Variants in DPYSL3 observed in about 807,000 individuals in gnomAD.
DPYSL3 encodes dihydropyrimidinase like 3, also known as dihydropyrimidinase-related protein 3.
A neutral mutation model predicts 66.1 loss-of-function variants in DPYSL3; 16 were observed. That is an observed-to-expected ratio of 0.24 (90% CI 0.16 to 0.37). DPYSL3 has a LOEUF of 0.37. DPYSL3 is among the 10% of genes least tolerant of loss of function. The pLI is 1.00. For synonymous variants in DPYSL3, 338 were observed against 345.1 expected (o/e 0.98, Z 0.23); for missense variants, 738 against 916.2 (o/e 0.81, Z 2.51).
intron 1 of DPYSL3, among the ~76,000 whole-genome samples, chr5:147,431,380 G>A (rs188486062): frequency 6.6e-6 from 1 of 152,130 alleles, no homozygotes; most frequent in Admixed American, 6.5e-5. Context: ...ACCCGTGTTT[G>A]GATAAATGAC....
rs766107448 is a variant in DPYSL3, at chr5:147,395,624, C to T, written c.1901G>A (p.Arg634Gln). The T allele has an allele frequency of 6.8e-6, 11 of 1,613,906 alleles. No homozygotes were observed. The highest frequency in any genetic ancestry group is 2.2e-5 in the South Asian group (2 of 91,062). The change falls in exon 13 of 14, where the codon CGG (arginine) becomes CAG (glutamine). Residue 634 changes from arginine to glutamine, a missense_variant. By Grantham distance (43) the Arg-to-Gln change is conservative. Transcript: ENST00000343218. ...PKGGTPAGSARGSPTRPNPPV... is the reference protein window; with the variant it reads ...PKGGTPAGSAQGSPTRPNPPV... Reference sequence around the variant, plus strand: ...TGGGTTCGGCCGAGTAGGAGAGCCCCGAGCAGAGCCTGCGGGGGTGCCACC... The same window carrying T: ...TGGGTTCGGCCGAGTAGGAGAGCCCTGAGCAGAGCCTGCGGGGGTGCCACC...
intron 1 of DPYSL3, among the ~76,000 whole-genome samples, chr5:147,484,889 A>G (rs1753307307): frequency 2.6e-5 from 4 of 152,224 alleles, no homozygotes; most frequent in Admixed American, 2.6e-4. Context: ...ATCCATTAAT[A>G]GTTTCCAAAG....
chr5:147,459,600 CA>C (rs532681119), intron 1 of DPYSL3, among the ~76,000 whole-genome samples: 403 of 142,234 alleles, frequency 2.8e-3, no homozygotes, highest in Admixed American at 5.3e-3. Context: ...ACACATAAAC[CA>C]AAAAAAAAAA....
At chr5:147,400,862 CA>C in intron 9 of DPYSL3, 29 bp from the exon 10 acceptor site, 1 of 1,607,912 alleles carries the variant, frequency 6.2e-7, no homozygotes, top group Non-Finnish European at 8.5e-7. Flanking sequence ...TCCACATGAA[CA>C]GGGGAGATGG....
intron 1 of DPYSL3, among the ~76,000 whole-genome samples, chr5:147,433,733 G>A (rs1277666177): frequency 6.6e-6 from 1 of 152,090 alleles, no homozygotes; most frequent in Non-Finnish European, 1.5e-5. Flanking sequence ...TGCAGGGTTG[G>A]TACTCACAAA....
intron 1 of DPYSL3, among the ~76,000 whole-genome samples, chr5:147,474,923 T>A (rs1305300119): frequency 6.6e-6 from 1 of 152,082 alleles, no homozygotes; most frequent in Admixed American, 6.6e-5. Flanking sequence ...TTTTTTGGAA[T>A]CTGGATTTTC....
intron 1 of DPYSL3, among the ~76,000 whole-genome samples, chr5:147,446,710 C>G (rs1672659432): frequency 6.6e-6 from 1 of 152,216 alleles, no homozygotes; most frequent in South Asian, 2.1e-4. Flanking sequence ...GCTTTTCCAC[C>G]CTGTACTCAT....
At chr5:147,418,725 AG>A (rs755271954) in intron 2 of DPYSL3, 94 bp from the exon 3 acceptor site, 537 of 1,141,464 alleles carry the variant, frequency 4.7e-4, no homozygotes, top group Non-Finnish European at 5.7e-4. Context: ...GATTTTAAAC[AG>A]TGTTACTTGT....
At chr5:147,496,293 G>A (rs1199321744) in intron 1 of DPYSL3, among the ~76,000 whole-genome samples, 3 of 152,032 alleles carry the variant, frequency 2.0e-5, no homozygotes, top group Non-Finnish European at 4.4e-5. Context: ...AACCATAAAA[G>A]CCCTAGAAGA....
chr5:147,458,246 G>C (rs185551081), intron 1 of DPYSL3, among the ~76,000 whole-genome samples: 1 of 152,144 alleles, frequency 6.6e-6, no homozygotes, highest in African/African-American at 2.4e-5. Flanking sequence ...GATAAAACAG[G>C]TTGCACTAAA....
At chr5:147,499,931 C>T (rs993714427) in intron 1 of DPYSL3, among the ~76,000 whole-genome samples, 2 of 152,024 alleles carry the variant, frequency 1.3e-5, no homozygotes, top group African/African-American at 4.8e-5. Context: ...AAAGGTAATA[C>T]AATGGAGAAA....
At chr5:147,415,592 T>C in intron 4 of DPYSL3, 117 bp downstream of exon 4, 1 of 1,253,910 alleles carries the variant, frequency 8.0e-7, no homozygotes, top group Non-Finnish European at 1.1e-6. Flanking sequence ...CATCCAGTGC[T>C]CACACTCAAG....
chr5:147,439,387 A>C (rs1186338865), intron 1 of DPYSL3, among the ~76,000 whole-genome samples: 5 of 152,130 alleles, frequency 3.3e-5, no homozygotes, highest in Admixed American at 1.3e-4. Context: ...AGAAAAAAAA[A>C]AACAACAAGT....
chr5:147,471,706 T>G (rs1040964077), intron 1 of DPYSL3, among the ~76,000 whole-genome samples: 2 of 152,092 alleles, frequency 1.3e-5, no homozygotes, highest in South Asian at 4.1e-4. Context: ...AGTGCATTGG[T>G]TCTTACAAAG....
At chr5:147,455,786 CT>C (rs532469947) in intron 1 of DPYSL3, among the ~76,000 whole-genome samples, 35 of 151,112 alleles carry the variant, frequency 2.3e-4, no homozygotes, top group African/African-American at 6.8e-4. Context: ...CTGCTGCTGC[CT>C]TTTTTTTTAA....
chr5:147,402,341 C>CTTTTTTT (rs11438535), intron 8 of DPYSL3, among the ~76,000 whole-genome samples: 3 of 135,046 alleles, frequency 2.2e-5, no homozygotes, highest in East Asian at 2.1e-4. Flanking sequence ...ACTCTCATGA[C>CTTTTTTT]TTTTTTTTTT....
Position 147,489,022 on chromosome 5 carries a change from A to C in DPYSL3, c.381+20456T>G, listed in dbSNP as rs147703009. Reference sequence around the variant, plus strand: ...AAGAGTGAGACTTCATCTAAAAAAAAAAAAAGAAAAAGAAAAGAAAAAATA... The same window carrying C: ...AAGAGTGAGACTTCATCTAAAAAAACAAAAAGAAAAAGAAAAGAAAAAATA... On this transcript the variant is annotated intron_variant, in intron 1 of 13. Transcript: ENST00000343218. 5.3e-3 allele frequency among the ~76,000 whole-genome samples: 799 copies of C among 152,054 alleles called. 12 individuals are homozygous for C. Among genetic ancestry groups the C allele is most frequent in the African/African-American group, 0.018 (751 of 41,508 alleles).
intron 12 of DPYSL3, 86 bp downstream of exon 12, chr5:147,397,580 C>G (rs1292917224): frequency 1.4e-6 from 2 of 1,400,112 alleles, no homozygotes; most frequent in African/African-American, 1.4e-5. Context: ...CTAGAGATCA[C>G]AGTGCCCTGT....
chr5:147,422,576 C>G (rs1464105287), intron 2 of DPYSL3, among the ~76,000 whole-genome samples: 1 of 152,108 alleles, frequency 6.6e-6, no homozygotes, highest in African/African-American at 2.4e-5. Flanking sequence ...CCACTATTCA[C>G]AACAGCAAAG....
Sources: allele counts gnomAD v4.1 joint callset (sites outside exome capture counted in the v4.1 genomes callset), GRCh38; gene constraint gnomAD v4.1.1; transcripts MANE v1.5; gene names NCBI Gene and HGNC (gene_info 2026-07-23, HGNC 2026-07-21).